Variants in DNAJC6 observed in about 807,000 individuals in gnomAD.
DNAJC6 encodes auxilin.
In DNAJC6, 34 loss-of-function variants were observed where a neutral mutation model predicts 110.0. The ratio of observed to expected loss-of-function variants is 0.31; its 90% CI spans 0.24 to 0.41. DNAJC6 has a LOEUF of 0.41. Among genes scored for constraint, DNAJC6 ranks in the 10% least tolerant of loss-of-function variants. The probability of loss-of-function intolerance (pLI) is 1.00; values close to 1 mark genes in which losing one functional copy is unlikely to be tolerated. For missense variants in DNAJC6, 1,031 were observed against 1,207.8 expected, an observed-to-expected ratio of 0.85 and a Z score of 2.17; for synonymous variants, 406 against 437.2, an observed-to-expected ratio of 0.93 and a Z score of 0.89.
Position 65,402,071 on chromosome 1 carries a change from G to A in DNAJC6, c.2227+191G>A, listed in dbSNP as rs375552065. On this transcript the variant is annotated intron_variant, in intron 15 of 18. Transcript: ENST00000371069. ...AAAGCGATAATCAGATGTGGGGTTA[G>A]AAATCATCTTTATTGATTCATTTCT... 2.3e-4 allele frequency among the ~76,000 whole-genome samples: 35 copies of A among 152,338 alleles called. 2 individuals carry two copies. In the East Asian group the frequency reaches 3.9e-3, roughly 17 times the overall value.
Position 65,413,064 on chromosome 1 carries a change from A to T in DNAJC6, c.*39A>T. 6.4e-7 allele frequency: 1 copy of T among 1,566,520 alleles called. No homozygotes were observed. The highest frequency in any genetic ancestry group is 1.1e-5 in the South Asian group (1 of 87,928). Reference sequence around the variant, plus strand: ...CCATCTCTGCTGCAGACCTGTGCTAATGCTTAGTGTGTGTCACAATTCTGA... The same window carrying T: ...CCATCTCTGCTGCAGACCTGTGCTATTGCTTAGTGTGTGTCACAATTCTGA... On this transcript the variant is annotated 3_prime_UTR_variant, in exon 19 of 19. Coordinates refer to ENST00000371069, the MANE Select transcript of DNAJC6 (RefSeq NM_001256864.2).
At chr1:65,267,324 C>G (rs921088426) in intron 1 of DNAJC6, among the ~76,000 whole-genome samples, 2 of 152,122 alleles carry the variant, frequency 1.3e-5, no homozygotes, top group Non-Finnish European at 2.9e-5. Context: ...TTCTTTGGGT[C>G]TCAGTTTCTT....
chr1:65,411,745 G>A (rs575452360), intron 18 of DNAJC6, among the ~76,000 whole-genome samples: 5 of 152,014 alleles, frequency 3.3e-5, no homozygotes, highest in East Asian at 3.9e-4. Context: ...CAGGGTAGGC[G>A]AATCGCTCGA....
At chr1:65,326,123 C>G (rs1056619679) in intron 1 of DNAJC6, among the ~76,000 whole-genome samples, 1 of 152,168 alleles carries the variant, frequency 6.6e-6, no homozygotes, top group Admixed American at 6.5e-5. Flanking sequence ...AGTCTGGACA[C>G]TGCTTTCTGG....
intron 13 of DNAJC6, among the ~76,000 whole-genome samples, chr1:65,397,365 T>G (rs1172468790): frequency 6.6e-6 from 1 of 152,150 alleles, no homozygotes; most frequent in Non-Finnish European, 1.5e-5. Context: ...CAACAAATAT[T>G]TATTGAACAT....
At chr1:65,335,308 G>T (rs1240804629) in intron 1 of DNAJC6, among the ~76,000 whole-genome samples, 1 of 151,356 alleles carries the variant, frequency 6.6e-6, no homozygotes, top group Admixed American at 6.6e-5. Context: ...GTAAGACGGG[G>T]TTTCACCACG....
At chr1:65,368,328 C>T (rs1645668681) in intron 4 of DNAJC6, among the ~76,000 whole-genome samples, 1 of 150,868 alleles carries the variant, frequency 6.6e-6, no homozygotes, top group Non-Finnish European at 1.5e-5. Context: ...CTATCTGCTC[C>T]TCTAACTTCA....
chr1:65,298,780 T>C (rs993387727), intron 1 of DNAJC6: 7 of 152,272 alleles, frequency 4.6e-5, no homozygotes, highest in Admixed American at 3.9e-4. Context: ...ATATTAGCCT[T>C]CCTCATCTCA....
chr1:65,318,138 G>A (rs1645164429), intron 1 of DNAJC6, among the ~76,000 whole-genome samples: 1 of 152,098 alleles, frequency 6.6e-6, no homozygotes, highest in African/African-American at 2.4e-5. Flanking sequence ...ATTTGGAGAT[G>A]GGGTGAGGTA....
At chr1:65,290,345 C>T (rs1357218497) in intron 1 of DNAJC6, among the ~76,000 whole-genome samples, 1 of 152,082 alleles carries the variant, frequency 6.6e-6, no homozygotes, top group African/African-American at 2.4e-5. Flanking sequence ...TTGGATGAAC[C>T]GAAATTCTTT....
At chr1:65,307,012 C>CTATATA (rs1458442591), upstream of DNAJC6, among the ~76,000 whole-genome samples, 59 of 80,002 alleles carry the variant, frequency 7.4e-4, no homozygotes, top group African/African-American at 2.0e-3. Context: ...CTCTCTCTCT[C>CTATATA]TCTCTCTATA....
At chr1:65,384,715 C>T (rs186124568) in intron 6 of DNAJC6, among the ~76,000 whole-genome samples, 110 of 152,246 alleles carry the variant, frequency 7.2e-4, no homozygotes, top group Non-Finnish European at 1.3e-3. Context: ...TACCTCCCAC[C>T]GGATCCCTCC....
intron 1 of DNAJC6, among the ~76,000 whole-genome samples, chr1:65,319,956 C>G (rs954959955): frequency 2.0e-5 from 3 of 152,150 alleles, no homozygotes; most frequent in Non-Finnish European, 4.4e-5. Flanking sequence ...AGTGAGTCAG[C>G]ATGCCTGGGA....
At chr1:65,351,586 C>T (rs1418459045) in intron 1 of DNAJC6, among the ~76,000 whole-genome samples, 2 of 151,974 alleles carry the variant, frequency 1.3e-5, no homozygotes, top group African/African-American at 4.8e-5. Context: ...GGTGTGAGAT[C>T]CCTTTGAGTG....
At chr1:65,390,193 C>A (rs1275884455) in intron 11 of DNAJC6, among the ~76,000 whole-genome samples, 1 of 152,136 alleles carries the variant, frequency 6.6e-6, no homozygotes, top group Admixed American at 6.5e-5. Flanking sequence ...CCTGGACTGA[C>A]AAATAAGTGT....
chr1:65,373,274 G>A (rs756540222), intron 4 of DNAJC6, among the ~76,000 whole-genome samples: 4 of 152,136 alleles, frequency 2.6e-5, no homozygotes, highest in Admixed American at 6.5e-5. Flanking sequence ...ACATGGGAGT[G>A]CAGCTTTATA....
intron 2 of DNAJC6, 26 bp downstream of exon 2, chr1:65,364,811 T>C: frequency 6.2e-7 from 1 of 1,610,734 alleles, no homozygotes; most frequent in Non-Finnish European, 8.5e-7. Context: ...CCAGTTAATT[T>C]AGTGGATCCC....
At chr1:65,315,484 G>GT (rs1467553658) in intron 1 of DNAJC6, among the ~76,000 whole-genome samples, 1 of 152,086 alleles carries the variant, frequency 6.6e-6, no homozygotes, top group African/African-American at 2.4e-5. Context: ...TACAACATGA[G>GT]TGTGTGTAAA....
intron 14 of DNAJC6, among the ~76,000 whole-genome samples, chr1:65,400,122 G>C (rs748045721): frequency 1.5e-4 from 23 of 151,932 alleles, no homozygotes; most frequent in Non-Finnish European, 2.8e-4. Flanking sequence ...TGAGGCTGCA[G>C]TGAGCCGAGA....
Sources: allele counts gnomAD v4.1 joint callset (sites outside exome capture counted in the v4.1 genomes callset), GRCh38; gene constraint gnomAD v4.1.1; transcripts MANE v1.5; gene names NCBI Gene and HGNC (gene_info 2026-07-23, HGNC 2026-07-21).